HLTF: variants seen among roughly 807,000 people sequenced by gnomAD.
HLTF encodes helicase like transcription factor, also known as DNA-dependent ATPase/E3 ubiquitin-protein ligase HLTF.
A neutral mutation model predicts 129.4 loss-of-function variants in HLTF; 127 were observed. That is an observed-to-expected ratio of 0.98 (90% CI 0.85 to 1.14). The LOEUF (loss-of-function observed/expected upper bound fraction) is 1.14, where lower values mean the gene tolerates loss of function less well. HLTF is among the 50% of genes most tolerant of loss of function. The probability of loss-of-function intolerance (pLI) is 0.00; values close to 1 mark genes in which losing one functional copy is unlikely to be tolerated. For missense variants in HLTF, 1,139 were observed against 1,187.1 expected, an observed-to-expected ratio of 0.96 and a Z score of 0.60; for synonymous variants, 332 against 388.8, an observed-to-expected ratio of 0.85 and a Z score of 1.72.
chr3:149,048,170 A>G lies in HLTF; in HGVS notation c.1757-7T>C. The stretch of plus-strand genomic sequence containing the variant: ...GAATTCTGGATTGGAGTACCTAGAA[A>G]TAACAGGAAACTGTTATAACTCTTT... On this transcript the variant is annotated splice_region_variant and splice_polypyrimidine_tract_variant and intron_variant, in intron 16 of 24. Coordinates refer to ENST00000310053, the MANE Select transcript of HLTF (RefSeq NM_003071.4). 2.5e-6 allele frequency: 4 copies of G among 1,599,390 alleles called. No individual in the cohort carries two copies. The highest frequency in any genetic ancestry group is 3.4e-6 in the Non-Finnish European group (4 of 1,174,718).
intron 8 of HLTF, among the ~76,000 whole-genome samples, chr3:149,066,571 T>A (rs1422141646): frequency 6.6e-6 from 1 of 151,742 alleles, no homozygotes; most frequent in South Asian, 2.1e-4. Flanking sequence ...GGAAATCACA[T>A]CTTCAGCTGC....
At chr3:149,083,478 A>T (rs1387305615) in intron 2 of HLTF, among the ~76,000 whole-genome samples, 1 of 152,176 alleles carries the variant, frequency 6.6e-6, no homozygotes, top group South Asian at 2.1e-4. Context: ...ACCATAATCT[A>T]GTATTTCATG....
chr3:149,058,324 C>A (rs1717647840), intron 13 of HLTF, among the ~76,000 whole-genome samples: 1 of 152,110 alleles, frequency 6.6e-6, no homozygotes, highest in Admixed American at 6.6e-5. Context: ...TCCCAAAGTG[C>A]TGCAATTTCA....
intron 5 of HLTF, 111 bp downstream of exon 5, chr3:149,073,114 A>G (rs1228193907): frequency 5.8e-6 from 3 of 519,130 alleles, no homozygotes; most frequent in Non-Finnish European, 6.8e-6. Flanking sequence ...ATAACTTAAT[A>G]TATTTGAAGA....
chr3:149,068,222 CACTT>C lies in HLTF; in HGVS notation c.990+14_990+17del. ...TAAACTGGAGGTTTCACATAAAGCG[CACTT>C]ACTACTACTTTACCTTCTTCAGTAG... On this transcript the variant is annotated intron_variant, in intron 8 of 24. Coordinates refer to ENST00000310053, the MANE Select transcript of HLTF (RefSeq NM_003071.4). The C allele has an allele frequency of 1.9e-6, 2 of 1,054,418 alleles. No individual in the cohort carries two copies. The highest frequency in any genetic ancestry group is 2.8e-6 in the Non-Finnish European group (2 of 704,864). The allele number at this position is 1,054,418 out of a possible 1,614,324, so 65.3% of individuals were successfully genotyped here.
chr3:149,065,805 T>C (rs1040590955), intron 8 of HLTF, among the ~76,000 whole-genome samples: 1 of 151,998 alleles, frequency 6.6e-6, no homozygotes, highest in African/African-American at 2.4e-5. Flanking sequence ...ACTCCCTCTG[T>C]CTCAAAAAAT....
At position 149,076,067 on chromosome 3, in the gene HLTF, GATA is replaced by G. The variant is rs1338961863; in HGVS notation, c.229-23_229-21del. On this transcript the variant is annotated intron_variant, in intron 2 of 24. Coordinates refer to ENST00000310053, the MANE Select transcript of HLTF (RefSeq NM_003071.4). ...ATTAACCTAATAAAAATGATAAACA[GATA>G]ATATTACATTATAAATAATAGACAA... 9 of 932,032 alleles carry G rather than the reference GATA, an allele frequency of 9.7e-6. No homozygotes were observed. In the African/African-American group the frequency reaches 1.3e-4, roughly 14 times the overall value. 57.7% of individuals were successfully genotyped at this position (932,032 alleles called of 1,614,324 possible). A position where few individuals can be genotyped will look rare whatever the true frequency, so the allele number is the denominator to read the frequency against.
chr3:149,054,126 T>G (rs1717226714), intron 14 of HLTF, among the ~76,000 whole-genome samples: 1 of 152,122 alleles, frequency 6.6e-6, no homozygotes, highest in African/African-American at 2.4e-5. Flanking sequence ...CCACTAAATT[T>G]GACAATTAAA....
At chr3:149,072,630 G>T (rs1718974819) in intron 5 of HLTF, among the ~76,000 whole-genome samples, 1 of 152,128 alleles carries the variant, frequency 6.6e-6, no homozygotes, top group Non-Finnish European at 1.5e-5. Context: ...GTAACCGGGG[G>T]CTTATCTACC....
intron 24 of HLTF, among the ~76,000 whole-genome samples, chr3:149,034,181 C>A (rs1025535467): frequency 2.6e-5 from 4 of 152,108 alleles, no homozygotes; most frequent in African/African-American, 9.7e-5. Context: ...TCATATAAAT[C>A]CTATTTTGAA....
At chr3:149,065,149 C>T (rs758583550) in intron 8 of HLTF, among the ~76,000 whole-genome samples, 8 of 151,878 alleles carry the variant, frequency 5.3e-5, no homozygotes, top group Non-Finnish European at 1.2e-4. Flanking sequence ...ATAAATGACA[C>T]ATTATTGTGA....
intron 15 of HLTF, among the ~76,000 whole-genome samples, chr3:149,049,268 C>T (rs1461940175): frequency 6.6e-6 from 1 of 152,160 alleles, no homozygotes; most frequent in Admixed American, 6.5e-5. Context: ...AACTAGCATT[C>T]AAACCCAAGC....
At chr3:149,034,685 C>T (rs181107573) in intron 24 of HLTF, among the ~76,000 whole-genome samples, 62 of 152,110 alleles carry the variant, frequency 4.1e-4, no homozygotes, top group Admixed American at 2.0e-3. Flanking sequence ...AAGTATAATT[C>T]CATTTATCTT....
At chr3:149,051,014 A>G (rs1716935318) in intron 14 of HLTF, among the ~76,000 whole-genome samples, 1 of 152,172 alleles carries the variant, frequency 6.6e-6, no homozygotes, top group Non-Finnish European at 1.5e-5. Flanking sequence ...CCAGGGAGAC[A>G]CAGCTGGGAA....
chr3:149,040,002 A>C, intron 21 of HLTF, 29 bp downstream of exon 21: 1 of 1,583,998 alleles, frequency 6.3e-7, no homozygotes, highest in Non-Finnish European at 8.6e-7. Flanking sequence ...TAAAACAAAT[A>C]CTCAAATATT....
chr3:149,032,314 TC>T lies in HLTF; in HGVS notation c.2935del (p.Glu979AsnfsTer17). 1 of 1,599,300 alleles carries T rather than the reference TC, an allele frequency of 6.3e-7. No individual in the cohort carries two copies. The highest frequency in any genetic ancestry group is 1.3e-5 in the African/African-American group (1 of 74,278). ...NMLKIQNKKRELAAGAFGTKK... is the reference protein window; with the variant it reads ...NMLKIQNKKRXLAAGAFGTKK... Reference sequence around the variant, plus strand: ...AGTTCCAAAGGCTCCTGCTGCAAGTTCTCTCTTTTTGTTTTGTATTTTCAGC... The same window carrying T: ...AGTTCCAAAGGCTCCTGCTGCAAGTTTCTCTTTTTGTTTTGTATTTTCAGC... On this transcript the variant is annotated frameshift_variant, in exon 25 of 25. Coordinates refer to ENST00000310053, the MANE Select transcript of HLTF (RefSeq NM_003071.4). LOFTEE classifies it high-confidence loss of function.
chr3:149,032,839 T>C (rs1435192742), intron 24 of HLTF, among the ~76,000 whole-genome samples: 2 of 151,602 alleles, frequency 1.3e-5, no homozygotes, highest in East Asian at 3.9e-4. Context: ...GGTGGGCGCC[T>C]GTAGTCCCAG....
In HLTF at chr3:149,039,075, C is replaced by T. The variant is rs776742173; in HGVS notation, c.2770G>A (p.Ala924Thr). The change falls in exon 23 of 25, where the codon GCT (alanine) becomes ACT (threonine). Residue 924 changes from alanine (A) to threonine (T), a missense_variant. By Grantham distance (58) the Ala-to-Thr change is moderately conservative (BLOSUM62 0). Coordinates refer to ENST00000310053, the MANE Select transcript of HLTF (RefSeq NM_003071.4). ...GGATCCATTAAAAACACTCGAGAAG[C>T]TGCAGACAGATTCAAACCAACTCCA... The part of the protein sequence containing the change: ...AGGVGLNLSA[A>T]SRVFLMDPAW... The T allele has an allele frequency of 7.5e-6, 12 of 1,602,766 alleles. No homozygotes were observed. In the African/African-American group the frequency reaches 1.5e-4, roughly 20 times the overall value.
intron 10 of HLTF, chr3:149,063,105 G>T (rs1013397569): frequency 2.2e-6 from 1 of 461,456 alleles, no homozygotes; most frequent in Non-Finnish European, 4.3e-6. Flanking sequence ...TGTCACCCAG[G>T]CTGCAGTGCA....
Sources: allele counts gnomAD v4.1 joint callset (sites outside exome capture counted in the v4.1 genomes callset), GRCh38; gene constraint gnomAD v4.1.1; transcripts MANE v1.5; gene names NCBI Gene and HGNC (gene_info 2026-07-23, HGNC 2026-07-21).